EPHA10: variants seen among roughly 807,000 people sequenced by gnomAD.
The protein encoded by EPHA10 is ephrin type-A receptor 10.
In EPHA10, 120 loss-of-function variants were observed where a neutral mutation model predicts 109.7. The observed-to-expected ratio is 1.09, with a 90% CI of 0.94 to 1.27. The LOEUF (loss-of-function observed/expected upper bound fraction) is 1.27, where lower values mean the gene tolerates loss of function less well. Ranked by LOEUF, EPHA10 falls within the 50% of genes most tolerant of loss-of-function variation. The probability of loss-of-function intolerance (pLI) is 0.00; values close to 1 mark genes in which losing one functional copy is unlikely to be tolerated. For synonymous variants in EPHA10, 640 were observed against 618.9 expected, an observed-to-expected ratio of 1.03 and a Z score of -0.51; for missense variants, 1,396 against 1,411.1, an observed-to-expected ratio of 0.99 and a Z score of 0.17.
In EPHA10 at chr1:37,761,457, C is replaced by T. The variant is rs758001731; in HGVS notation, c.798G>A (p.Val266=). The change falls in exon 3 of 17, where the codon GTG becomes GTA. Residue 266 remains valine, a synonymous_variant. Transcript: ENST00000373048. ...ATCCCGCGCTGCAGCTGCAGCGGCC[C>T]ACAGGCACCAGCCACTCGCCGTCGG... is the stretch of plus-strand genomic sequence containing the variant. ...CGADGEWLVP[V]GRCSCSAGFQ... is the part of the protein sequence containing the mutation. 5 of 1,599,452 alleles carry T rather than the reference C, an allele frequency of 3.1e-6. No individual in the cohort carries two copies. The African/African-American group carries it at 6.7e-5, about 21-fold the overall frequency.
chr1:37,753,344 G>C (rs1296863462), intron 4 of EPHA10, 118 bp from the exon 5 acceptor site: 1 of 646,044 alleles, frequency 1.5e-6, no homozygotes, highest in East Asian at 3.7e-5. Context: ...AGAAGCAGGG[G>C]CGCGAGGGTC....
At chr1:37,725,355 A>G (rs1398001471) in intron 8 of EPHA10, among the ~76,000 whole-genome samples, 2 of 151,902 alleles carry the variant, frequency 1.3e-5, no homozygotes, top group East Asian at 3.9e-4. Context: ...AAATACAAAA[A>G]ATTAGCTGGA....
At chr1:37,732,360 T>C (rs1645997948) in intron 6 of EPHA10, among the ~76,000 whole-genome samples, 1 of 152,040 alleles carries the variant, frequency 6.6e-6, no homozygotes, top group African/African-American at 2.4e-5. Context: ...CCAACACACC[T>C]GACAATGGCA....
In EPHA10 at chr1:37,719,560, G is replaced by C. The variant is rs1409396102; in HGVS notation, c.2610C>G (p.Asn870Lys). The C allele has an allele frequency of 1.4e-5, 22 of 1,613,834 alleles. No homozygotes were observed. The highest frequency in any genetic ancestry group is 1.9e-5 in the Non-Finnish European group (22 of 1,180,026). ...EDGFRLPPPRNCPNLLHRLML... is the reference protein window; with the variant it reads ...EDGFRLPPPRKCPNLLHRLML... ...TTAGTCGGTGCAGAAGGTTAGGACA[G>C]TTCCTGGGGGGTGGCAGCCGGAAGC... is the stretch of plus-strand genomic sequence containing the variant. The change falls in exon 15 of 17, where the codon AAC (asparagine) becomes AAG (lysine). Residue 870 changes from asparagine to lysine, a missense_variant. Asn to Lys is a moderately conservative substitution (Grantham distance 94, BLOSUM62 0). Coordinates refer to ENST00000373048, the MANE Select transcript of EPHA10 (RefSeq NM_001099439.2).
chr1:37,759,981 G>A (rs535022476), intron 3 of EPHA10, among the ~76,000 whole-genome samples: 6 of 152,246 alleles, frequency 3.9e-5, no homozygotes, highest in Non-Finnish European at 7.3e-5. Flanking sequence ...TACAATTTCC[G>A]CAGGGAGGAG....
chr1:37,734,044 C>T (rs659573), intron 6 of EPHA10, among the ~76,000 whole-genome samples: 47,139 of 152,044 alleles, frequency 0.31, 7,682 homozygotes, highest in Middle Eastern at 0.46. Context: ...TCCTCCTTCC[C>T]ACTCATCCCC....
chr1:37,748,223 G>A (rs1414008059), intron 5 of EPHA10, among the ~76,000 whole-genome samples: 1 of 151,990 alleles, frequency 6.6e-6, no homozygotes, highest in Non-Finnish European at 1.5e-5. Context: ...GCTGGGCGTG[G>A]TGGTGGTTGC....
In EPHA10 at chr1:37,764,916, C is replaced by A. The variant is rs1276866241; in HGVS notation, c.106+45G>T. ...AGAACCCCCATCGCCAGCCCCCTATCTTTTGGTATGCCACGCTCCGAGCAG... is the reference window on the plus strand; with the variant it reads ...AGAACCCCCATCGCCAGCCCCCTATATTTTGGTATGCCACGCTCCGAGCAG... On this transcript the variant is annotated intron_variant, in intron 1 of 16. Coordinates refer to ENST00000373048, the MANE Select transcript of EPHA10 (RefSeq NM_001099439.2). This position sits in a 1 kb window ranked among gnomAD's most constrained non-coding sequence, Gnocchi z 5.8. 4 of 1,543,930 alleles carry A rather than the reference C, an allele frequency of 2.6e-6. No individual in the cohort carries two copies.
downstream of EPHA10, chr1:37,714,212 G>C (rs1645660889): frequency 6.6e-6 from 1 of 152,250 alleles, no homozygotes; most frequent in African/African-American, 2.4e-5. Flanking sequence ...TGCATGTCCT[G>C]AACTATGCAG....
Position 37,721,746 on chromosome 1 carries a change from T to C in EPHA10, c.2060A>G (p.Gln687Arg). Residue 687 changes from glutamine (Q) to arginine (R), a missense_variant, in exon 11 of 17, where the codon CAG becomes CGG. By Grantham distance (43) the Gln-to-Arg change is conservative. Transcript: ENST00000373048. ...HMLRDSASDS[Q>R]RLGFLAEALT... ...GGCCTCGGCCAGGAAGCCGAGCCTC[T>C]GTGAGTCGGAGGCGCTGTCCCTCAG... is the stretch of plus-strand genomic sequence containing the variant. The C allele has an allele frequency of 6.2e-7, 1 of 1,612,704 alleles. No homozygotes were observed. Among genetic ancestry groups the C allele is most frequent in the Non-Finnish European group, 8.5e-7 (1 of 1,179,854 alleles).
chr1:37,747,118 T>TA (rs971632668), intron 5 of EPHA10, among the ~76,000 whole-genome samples: 9 of 152,218 alleles, frequency 5.9e-5, no homozygotes, highest in African/African-American at 1.9e-4. Context: ...GAATTATACC[T>TA]AAAAAAACCT....
rs11585513 is a variant in EPHA10 at position 37,763,628 on chromosome 1, T to C, written c.107-779A>G. Among the ~76,000 whole-genome samples the C allele has an allele frequency of 2.3e-3, 352 of 151,830 alleles. 4 individuals are homozygous for C. The highest frequency in any genetic ancestry group is 4.0e-3 in the Non-Finnish European group (275 of 67,972). On this transcript the variant is annotated intron_variant, in intron 1 of 16. Coordinates refer to ENST00000373048, the MANE Select transcript of EPHA10 (RefSeq NM_001099439.2). ...GGGAGTCAGTGACTCTCCCCAGCCT[T>C]CTTAGGTTCCCAAAATTATAGCTAA...
At chr1:37,732,865 T>C (rs1646009804) in intron 6 of EPHA10, among the ~76,000 whole-genome samples, 2 of 26,206 alleles carry the variant, frequency 7.6e-5, no homozygotes, top group South Asian at 2.9e-3. Context: ...TACTTGTTCT[T>C]TTTTTTTTTT....
intron 5 of EPHA10, among the ~76,000 whole-genome samples, chr1:37,752,015 A>G (rs1646335510): frequency 6.6e-6 from 1 of 152,194 alleles, no homozygotes; most frequent in African/African-American, 2.4e-5. Flanking sequence ...TCTTGGCAAC[A>G]CCACTGCCAA....
At chr1:37,746,101 CTT>C (rs111763214) in intron 5 of EPHA10, among the ~76,000 whole-genome samples, 11 of 127,408 alleles carry the variant, frequency 8.6e-5, no homozygotes, top group Admixed American at 8.4e-5. Flanking sequence ...CTTTTCTTTT[CTT>C]TTTTTTTTTT....
intron 11 of EPHA10, among the ~76,000 whole-genome samples, 159 bp from the exon 12 acceptor site, chr1:37,721,003 C>T (rs535083247): frequency 6.6e-6 from 1 of 152,174 alleles, no homozygotes; most frequent in East Asian, 1.9e-4. Flanking sequence ...GTCCTCTATG[C>T]CAAGGAACAA....
At position 37,762,102 on chromosome 1, in the gene EPHA10, G is replaced by C. The variant is rs1185098860; in HGVS notation, c.172-19C>G. 6.4e-7 allele frequency: 1 copy of C among 1,555,746 alleles called. No individual in the cohort carries two copies. On this transcript the variant is annotated intron_variant, in intron 2 of 16. Transcript: ENST00000373048. ...CCTCCCACTGGGGACAAGAGTAAAGGGGTGGGCAGCCCAGAGCCAAAGTGC... is the reference window on the plus strand; with the variant it reads ...CCTCCCACTGGGGACAAGAGTAAAGCGGTGGGCAGCCCAGAGCCAAAGTGC...
intron 3 of EPHA10, chr1:37,761,101 A>AC: frequency 8.4e-7 from 1 of 1,184,958 alleles, no homozygotes; most frequent in South Asian, 3.4e-5. Context: ...AAAAAAAAAA[A>AC]AAACAATGAC....
chr1:37,722,690 G>A, intron 10 of EPHA10: 1 of 393,362 alleles, frequency 2.5e-6, no homozygotes, highest in Non-Finnish European at 4.9e-6. Context: ...GGGTCAGTGG[G>A]AGAGCCAGGA....
Sources: gnomAD v4.1 joint callset for allele counts (sites outside exome capture counted in the v4.1 genomes callset) on GRCh38, gnomAD v4.1.1 for gene constraint, Gnocchi (gnomAD v3.1) non-coding constraint, MANE v1.5 for transcripts, NCBI Gene and HGNC (gene_info 2026-07-23, HGNC 2026-07-21) for gene names.